The following IL23R variants were observed in gnomAD, a reference collection of about 807,000 sequenced individuals.
IL23R encodes interleukin 23 receptor.
A neutral mutation model predicts 56.9 loss-of-function variants in IL23R; 34 were observed. That is an observed-to-expected ratio of 0.60 (90% CI 0.45 to 0.80). The LOEUF (loss-of-function observed/expected upper bound fraction) is 0.80. IL23R is among the 30% of genes least tolerant of loss of function. The pLI is 0.00. For missense variants in IL23R, 635 were observed against 730.0 expected, an observed-to-expected ratio of 0.87 and a Z score of 1.50; for synonymous variants, 230 against 249.2, an observed-to-expected ratio of 0.92 and a Z score of 0.73.
chr1:67,171,291 A>G (rs546577753), intron 3 of IL23R, among the ~76,000 whole-genome samples: 1 of 152,318 alleles, frequency 6.6e-6, no homozygotes, highest in East Asian at 1.9e-4. Flanking sequence ...TTAAAAAACA[A>G]AATTTCAGCA....
chr1:67,148,048 G>A (rs1208048966), intron 1 of IL23R, among the ~76,000 whole-genome samples: 1 of 152,248 alleles, frequency 6.6e-6, no homozygotes, highest in African/African-American at 2.4e-5. Flanking sequence ...GAAGAGAACC[G>A]TGGAACCCAG....
chr1:67,168,033 G>T, intron 1 of IL23R, 59 bp from the exon 2 acceptor site: 1 of 953,008 alleles, frequency 1.0e-6, no homozygotes, highest in Non-Finnish European at 1.7e-6. Flanking sequence ...AAAATGTTAT[G>T]CTTTTTATTA....
chr1:67,239,304 C>T (rs1651704245), intron 8 of IL23R, among the ~76,000 whole-genome samples: 1 of 152,184 alleles, frequency 6.6e-6, no homozygotes, highest in Admixed American at 6.5e-5. Flanking sequence ...GGCTCTGTCG[C>T]CCAGGCTGGA....
chr1:67,257,615 T>C (rs1046863543), intron 10 of IL23R, among the ~76,000 whole-genome samples: 4 of 152,206 alleles, frequency 2.6e-5, no homozygotes, highest in African/African-American at 9.6e-5. Context: ...AGTCCATTTA[T>C]TGCCCAGAAA....
Position 67,169,405 on chromosome 1 carries a change from G to T in IL23R, c.134G>T (p.Gly45Val). ...GAACCAGCCACAATTTTTAAGATGGGTATGAATATCTCTATATATTGCCAA... is the reference window on the plus strand; with the variant it reads ...GAACCAGCCACAATTTTTAAGATGGTTATGAATATCTCTATATATTGCCAA... ...WVEPATIFKM[G>V]MNISIYCQAA... The change falls in exon 3 of 11, where the codon GGT becomes GTT. Residue 45 changes from glycine to valine, a missense_variant. By Grantham distance (109) the Gly-to-Val change is moderately radical (BLOSUM62 -3). Coordinates refer to ENST00000347310, the MANE Select transcript of IL23R (RefSeq NM_144701.3). The T allele has an allele frequency of 6.2e-7, 1 of 1,613,362 alleles. No individual in the cohort carries two copies. Among genetic ancestry groups the T allele is most frequent in the Non-Finnish European group, 8.5e-7 (1 of 1,179,424 alleles).
chr1:67,258,339 A>C (rs1653061998), intron 10 of IL23R, 139 bp from the exon 11 acceptor site: 3 of 588,934 alleles, frequency 5.1e-6, no homozygotes, highest in Non-Finnish European at 8.8e-6. Flanking sequence ...GGAGGAAATC[A>C]TATGGGAAGA....
intron 3 of IL23R, among the ~76,000 whole-genome samples, chr1:67,175,893 T>C (rs1034580417): frequency 4.6e-5 from 7 of 152,160 alleles, no homozygotes; most frequent in Non-Finnish European, 8.8e-5. Context: ...GTCTTGGTCA[T>C]AGCTCACTGC....
chr1:67,255,073 TA>T (rs1341297614), intron 9 of IL23R, among the ~76,000 whole-genome samples: 2 of 152,242 alleles, frequency 1.3e-5, no homozygotes, highest in Non-Finnish European at 2.9e-5. Flanking sequence ...TTACAAAATC[TA>T]GACTCAGAAC....
chr1:67,181,045 G>C (rs569986196), intron 3 of IL23R, among the ~76,000 whole-genome samples: 3,202 of 152,180 alleles, frequency 0.021, 96 homozygotes, highest in African/African-American at 0.073. Context: ...CTCTGGCTGT[G>C]CTTAACATTT....
At chr1:67,246,940 G>T (rs1652265012) in intron 9 of IL23R, among the ~76,000 whole-genome samples, 1 of 152,046 alleles carries the variant, frequency 6.6e-6, no homozygotes, top group Admixed American at 6.6e-5. Flanking sequence ...TTATTGTGTG[G>T]GAGTCTAAGT....
At chr1:67,193,021 T>C (rs1165876191) in intron 4 of IL23R, among the ~76,000 whole-genome samples, 1 of 152,156 alleles carries the variant, frequency 6.6e-6, no homozygotes, top group Non-Finnish European at 1.5e-5. Context: ...CTTTCCCCTC[T>C]TCCAAAACTC....
downstream of IL23R, among the ~76,000 whole-genome samples, chr1:67,261,507 A>G (rs1481590489): frequency 1.3e-5 from 2 of 151,666 alleles, no homozygotes; most frequent in African/African-American, 4.8e-5. Flanking sequence ...TAAAATATGT[A>G]TATATTTTTT....
Position 67,169,398 on chromosome 1 carries a change from A to G in IL23R, c.127A>G (p.Lys43Glu). 6.2e-7 allele frequency: 1 copy of G among 1,613,488 alleles called. No homozygotes were observed. The highest frequency in any genetic ancestry group is 8.5e-7 in the Non-Finnish European group (1 of 1,179,534). The change falls in exon 3 of 11, where the codon AAG (lysine) becomes GAG (glutamate). Residue 43 changes from lysine (K) to glutamate (E), a missense_variant. By Grantham distance (56) the Lys-to-Glu change is moderately conservative (BLOSUM62 1). Transcript: ENST00000347310. ...HIWVEPATIF[K>E]MGMNISIYCQ... ...CTGGGTAGAACCAGCCACAATTTTTAAGATGGGTATGAATATCTCTATATA... is the reference window on the plus strand; with the variant it reads ...CTGGGTAGAACCAGCCACAATTTTTGAGATGGGTATGAATATCTCTATATA...
chr1:67,169,783 C>T (rs2102556674), intron 3 of IL23R, 145 bp downstream of exon 3: 1 of 794,028 alleles, frequency 1.3e-6, no homozygotes, highest in East Asian at 2.7e-5. Context: ...ACTCAAATGT[C>T]TCCAGGGCCA....
chr1:67,219,668 A>G lies in IL23R; in HGVS notation c.893A>G (p.Glu298Gly). The G allele has an allele frequency of 6.2e-7, 1 of 1,614,176 alleles. No homozygotes were observed. Among genetic ancestry groups the G allele is most frequent in the Non-Finnish European group, 8.5e-7 (1 of 1,179,994 alleles). Residue 298 changes from glutamate to glycine, a missense_variant, in exon 7 of 11, where the codon GAA becomes GGA. Physicochemically the swap from Glu to Gly is moderately conservative, Grantham distance 98. Transcript: ENST00000347310. ...TACGTATTTCAAGTGAGATGTCAAG[A>G]AACAGGCAAAAGGTACTGGCAGCCT... ...IKYVFQVRCQ[E>G]TGKRYWQPWS... is the part of the protein sequence containing the mutation.
intron 3 of IL23R, among the ~76,000 whole-genome samples, chr1:67,177,200 T>G (rs1331216127): frequency 2.0e-5 from 3 of 152,200 alleles, no homozygotes; most frequent in Non-Finnish European, 4.4e-5. Context: ...CACACTGACT[T>G]CCACAATGGT....
intron 6 of IL23R, among the ~76,000 whole-genome samples, chr1:67,212,686 G>A (rs960084827): frequency 1.3e-5 from 2 of 151,664 alleles, no homozygotes; most frequent in Non-Finnish European, 2.9e-5. Context: ...GCTGACCACA[G>A]GAGAGTGCCA....
intron 7 of IL23R, among the ~76,000 whole-genome samples, chr1:67,226,345 G>A (rs553984827): frequency 1.3e-5 from 2 of 152,336 alleles, no homozygotes; most frequent in East Asian, 3.9e-4. Context: ...GGATGAATGT[G>A]GGGGTTTTAT....
intron 1 of IL23R, among the ~76,000 whole-genome samples, chr1:67,167,700 G>A (rs1024642038): frequency 6.6e-6 from 1 of 151,978 alleles, no homozygotes; most frequent in Admixed American, 6.6e-5. Context: ...CTCCAGCCTG[G>A]GCTACAGAGC....
Sources: allele counts gnomAD v4.1 joint callset (sites outside exome capture counted in the v4.1 genomes callset), GRCh38; gene constraint gnomAD v4.1.1; transcripts MANE v1.5; gene names NCBI Gene and HGNC (gene_info 2026-07-23, HGNC 2026-07-21).